The following UBN1 variants were observed in gnomAD, a reference collection of about 807,000 sequenced individuals.
The protein encoded by UBN1 is ubinuclein 1.
In UBN1, 17 loss-of-function variants were observed where a neutral mutation model predicts 108.5. That is an observed-to-expected ratio of 0.16 (90% CI 0.11 to 0.24). The LOEUF (loss-of-function observed/expected upper bound fraction) is 0.24. UBN1 is among the 10% of genes least tolerant of loss of function. UBN1 has a pLI of 1.00. For missense variants in UBN1, 1,595 were observed against 1,394.4 expected (o/e 1.14, Z -2.29); for synonymous variants, 726 against 564.2 (o/e 1.29, Z -4.07).
rs1250054015 is a variant in UBN1 at position 4,874,486 on chromosome 16, A to G, written c.2076A>G (p.Glu692=). 6.2e-7 allele frequency: 1 copy of G among 1,614,200 alleles called. No individual in the cohort carries two copies. Residue 692 remains glutamate, a synonymous_variant, in exon 15 of 18, where the codon GAA becomes GAG. Transcript: ENST00000262376. ...ATAGCAGAGCAGCTGGGAACTCTGA[A>G]TTCACACTGCCTGCACCCTCAAAAG... is the stretch of plus-strand genomic sequence containing the variant. ...ALNSRAAGNS[E]FTLPAPSKAP...
intron 12 of UBN1, chr16:4,872,237 A>G (rs2087679445): frequency 2.0e-6 from 2 of 985,432 alleles, no homozygotes. Flanking sequence ...GGACAAAGAC[A>G]TGCTGGGTCA....
chr16:4,879,456 A>C (rs1030584634), intron 17 of UBN1, among the ~76,000 whole-genome samples: 27 of 152,174 alleles, frequency 1.8e-4, no homozygotes, highest in African/African-American at 6.5e-4. Context: ...TCTCTAAAAA[A>C]ATTTTTTTTA....
chr16:4,864,725 C>G (rs1485374613), intron 7 of UBN1, among the ~76,000 whole-genome samples: 2 of 152,116 alleles, frequency 1.3e-5, no homozygotes, highest in African/African-American at 4.8e-5. Context: ...TCTCTTTAGT[C>G]AAGCATAACA....
Position 4,877,529 on chromosome 16 carries a change from C to A in UBN1, c.3355+55C>A, listed in dbSNP as rs920607465. On this transcript the variant is annotated intron_variant, in intron 17 of 17. Coordinates refer to ENST00000262376, the MANE Select transcript of UBN1 (RefSeq NM_001079514.3). This position sits in a 1 kb window ranked among gnomAD's most constrained non-coding sequence, Gnocchi z 4.3. The stretch of plus-strand genomic sequence containing the variant: ...GCACCGTGTGCCTTTGCCCTCTCCA[C>A]CCCTAGGTGCTTTGCCGCTGCCAAG... 7.2e-6 allele frequency: 11 copies of A among 1,522,202 alleles called. No homozygotes were observed. Among genetic ancestry groups the A allele is most frequent in the Non-Finnish European group, 3.5e-6 (4 of 1,137,180 alleles). 94.3% of individuals were successfully genotyped at this position (1,522,202 alleles called of 1,614,324 possible). A position where few individuals can be genotyped will look rare whatever the true frequency, so the allele number is the denominator to read the frequency against.
At chr16:4,865,878 C>G (rs1275252080) in intron 7 of UBN1, among the ~76,000 whole-genome samples, 2 of 152,076 alleles carry the variant, frequency 1.3e-5, no homozygotes, top group African/African-American at 4.8e-5. Flanking sequence ...AGGAGAATCA[C>G]TTGAACCCGG....
At chr16:4,861,291 T>G (rs1043344759) in intron 7 of UBN1, among the ~76,000 whole-genome samples, 189 bp downstream of exon 7, 6 of 152,260 alleles carry the variant, frequency 3.9e-5, no homozygotes, top group African/African-American at 1.4e-4. Context: ...GGCATCATTT[T>G]AGGCCTTTCT....
At position 4,874,904 on chromosome 16, in the gene UBN1, G is replaced by T. The variant is rs146192777; in HGVS notation, c.2494G>T (p.Ala832Ser). 6.2e-7 allele frequency: 1 copy of T among 1,613,974 alleles called. No homozygotes were observed. The highest frequency in any genetic ancestry group is 2.2e-5 in the East Asian group (1 of 44,898). Residue 832 changes from alanine to serine, a missense_variant, in exon 15 of 18, where the codon GCT becomes TCT. Transcript: ENST00000262376. Reference protein sequence around the residue: ...PFANKLQGPKASPTQCHRSLL... With the variant: ...PFANKLQGPKSSPTQCHRSLL... The stretch of plus-strand genomic sequence containing the variant: ...TGCCAATAAGCTCCAAGGCCCAAAG[G>T]CTTCTCCCACACAGTGTCATCGTTC...
chr16:4,850,260 C>T (rs2086494587), intron 1 of UBN1, among the ~76,000 whole-genome samples: 1 of 151,988 alleles, frequency 6.6e-6, no homozygotes, highest in South Asian at 2.1e-4. Flanking sequence ...TATTTTTTAC[C>T]TTCTTGGGCC....
intron 12 of UBN1, chr16:4,872,396 A>AT: frequency 1.0e-6 from 1 of 961,804 alleles, no homozygotes; most frequent in East Asian, 1.3e-4. Context: ...AGTGTGTCCC[A>AT]TTGAGATCCT....
At chr16:4,873,587 G>A (rs1018640474) in intron 14 of UBN1, among the ~76,000 whole-genome samples, 8 of 152,184 alleles carry the variant, frequency 5.3e-5, no homozygotes, top group African/African-American at 1.4e-4. Context: ...CCAGTTCTTA[G>A]TGTGGTGCCC....
chr16:4,880,000 C>A (rs2088030957), intron 17 of UBN1, 83 bp from the exon 18 acceptor site: 1 of 1,464,538 alleles, frequency 6.8e-7, no homozygotes, highest in African/African-American at 1.4e-5. Flanking sequence ...TTAGGTGTCT[C>A]CCTTGAAGTT....
intron 9 of UBN1, 36 bp downstream of exon 9, chr16:4,870,377 G>C: frequency 1.9e-6 from 3 of 1,612,620 alleles, no homozygotes; most frequent in East Asian, 2.2e-5. Flanking sequence ...TTGGCTTTGG[G>C]GTCCTGGCGG....
rs766875012 is a variant in UBN1, at chr16:4,853,211, G to T, written c.249+45G>T. On this transcript the variant is annotated intron_variant, in intron 2 of 17. Transcript: ENST00000262376. ...GAGGCGCTGCAGGTTTAACGCACAG[G>T]GGTCAGTGCATGCATGTGGGGCTTC... 1.9e-6 allele frequency: 3 copies of T among 1,605,300 alleles called. No homozygotes were observed. The East Asian group carries it at 6.7e-5, about 36-fold the overall frequency.
In UBN1 at chr16:4,860,678, A is replaced by G. The variant is rs1420233993; in HGVS notation, c.686A>G (p.Asn229Ser). The change falls in exon 7 of 18, where the codon AAT becomes AGT. Residue 229 changes from asparagine to serine, a missense_variant. By Grantham distance (46) the Asn-to-Ser change is conservative. Around this residue, in one of 3 missense-constraint regions of UBN1, gnomAD observed 1,398 missense variants for 1,194.7 expected, o/e 1.17. Transcript: ENST00000262376. ...KFSKAGFTAL[N>S]ASKEKKKKKY... Reference sequence around the variant, plus strand: ...CTTGCTTGCAGCTTCACAGCCCTCAATGCCAGTAAGGAGAAGAAGAAGAAG... The same window carrying G: ...CTTGCTTGCAGCTTCACAGCCCTCAGTGCCAGTAAGGAGAAGAAGAAGAAG... The G allele has an allele frequency of 1.9e-6, 3 of 1,612,102 alleles. No individual in the cohort carries two copies. Among genetic ancestry groups the G allele is most frequent in the Non-Finnish European group, 1.7e-6 (2 of 1,179,604 alleles).
In UBN1 at chr16:4,877,573, T is replaced by C. The variant is rs548023006; in HGVS notation, c.3355+99T>C. The C allele has an allele frequency of 4.8e-6, 7 of 1,460,352 alleles. No homozygotes were observed. The South Asian group carries it at 1.0e-4, about 21-fold the overall frequency. 90.5% of individuals were successfully genotyped at this position (1,460,352 alleles called of 1,614,324 possible). A position where few individuals can be genotyped will look rare whatever the true frequency, so the allele number is the denominator to read the frequency against. On this transcript the variant is annotated intron_variant, in intron 17 of 17. Transcript: ENST00000262376. The surrounding 1 kb of genome is among the most constrained non-coding windows in gnomAD (Gnocchi z 4.3). Reference sequence around the variant, plus strand: ...TGCCAAGGGTCTTGGTGTCTTTGCCTTGACGCTGTTGTTGTTTTGGTTTGT... The same window carrying C: ...TGCCAAGGGTCTTGGTGTCTTTGCCCTGACGCTGTTGTTGTTTTGGTTTGT...
intron 1 of UBN1, 171 bp from the exon 2 acceptor site, chr16:4,852,708 G>T (rs1295273810): frequency 9.6e-6 from 6 of 622,290 alleles, no homozygotes; most frequent in Non-Finnish European, 1.6e-5. Context: ...ATCTCTGAAT[G>T]ATTGTGAAAA....
chr16:4,849,282 C>A (rs1402002990), intron 1 of UBN1, among the ~76,000 whole-genome samples: 4 of 152,098 alleles, frequency 2.6e-5, no homozygotes, highest in African/African-American at 9.6e-5. Context: ...ATAAGAAATG[C>A]AATTTTTGGA....
At chr16:4,871,007 G>A in intron 11 of UBN1, 35 bp downstream of exon 11, 1 of 1,612,610 alleles carries the variant, frequency 6.2e-7, no homozygotes, top group Non-Finnish European at 8.5e-7. Flanking sequence ...TCTTTGGAGG[G>A]TTGGTGGGGC....
In UBN1 at chr16:4,871,247, G is replaced by A. The variant is rs760211172; in HGVS notation, c.1652G>A (p.Gly551Asp). The change falls in exon 12 of 18, where the codon GGC becomes GAC. Residue 551 changes from glycine to aspartate, a missense_variant. By Grantham distance (94) the Gly-to-Asp change is moderately conservative. This residue lies in a region of UBN1 where 1,398 missense variants were observed against 1,194.7 expected (regional missense o/e 1.17). Transcript: ENST00000262376. ...CAGGCTTGGGAGGACTGTGTGAAGG[G>A]CTTTCTGGATGCGGAAGTCAAGCCC... ...KAQAWEDCVK[G>D]FLDAEVKPLW... 2 of 1,614,118 alleles carry A rather than the reference G, an allele frequency of 1.2e-6. No homozygotes were observed. The highest frequency in any genetic ancestry group is 2.2e-5 in the East Asian group (1 of 44,892).
Sources: gnomAD v4.1 joint callset for allele counts (sites outside exome capture counted in the v4.1 genomes callset) on GRCh38, gnomAD v4.1.1 for gene constraint, gnomAD v4.1.1 regional missense constraint, Gnocchi (gnomAD v3.1) non-coding constraint, MANE v1.5 for transcripts, NCBI Gene and HGNC (gene_info 2026-07-23, HGNC 2026-07-21) for gene names.